CARM1: variants seen among roughly 807,000 people sequenced by gnomAD.
CARM1 encodes histone-arginine methyltransferase CARM1.
Under a neutral mutation model 72.7 loss-of-function variants are expected in CARM1, and 14 were observed. The ratio of observed to expected loss-of-function variants is 0.19; its 90% CI spans 0.13 to 0.30. The LOEUF (loss-of-function observed/expected upper bound fraction) is 0.30. Ranked by LOEUF, CARM1 falls within the 10% of genes least tolerant of loss-of-function variation. CARM1 has a pLI of 1.00. For synonymous variants in CARM1, 333 were observed against 345.5 expected (o/e 0.96, Z 0.40); for missense variants, 432 against 833.7 (o/e 0.52, Z 5.93).
Position 10,921,060 on chromosome 19 carries a change from C to T in CARM1, c.1548C>T (p.Thr516=), listed in dbSNP as rs763746802. 42 of 1,614,028 alleles carry T rather than the reference C, an allele frequency of 2.6e-5. No individual in the cohort carries two copies. The highest frequency in any genetic ancestry group is 1.6e-4 in the South Asian group (15 of 91,092). ...SSGMAVAGMP[T]AYDLSSVIAS... is the part of the protein sequence containing the mutation. ...CCTCTCTGGACACAGGGATGCCGAC[C>T]GCCTATGACTTGAGCAGTGTTATTG... Residue 516 remains threonine (T), a synonymous_variant, in exon 14 of 16, where the codon ACC becomes ACT. Coordinates refer to ENST00000327064, the MANE Select transcript of CARM1 (RefSeq NM_199141.2).
chr19:10,880,527 T>C (rs2073894117), intron 1 of CARM1, among the ~76,000 whole-genome samples: 1 of 149,876 alleles, frequency 6.7e-6, no homozygotes, highest in Non-Finnish European at 1.5e-5. Flanking sequence ...TTTTTTTTTT[T>C]TTTTTTTGTA....
chr19:10,882,275 G>C (rs193248954), intron 1 of CARM1, among the ~76,000 whole-genome samples: 67 of 152,290 alleles, frequency 4.4e-4, no homozygotes, highest in Middle Eastern at 6.8e-3. Context: ...GCATGCAGTG[G>C]GGGGGATGGG....
intron 1 of CARM1, among the ~76,000 whole-genome samples, chr19:10,888,334 G>A (rs2073956243): frequency 6.6e-6 from 1 of 152,160 alleles, no homozygotes; most frequent in Non-Finnish European, 1.5e-5. Context: ...CTGGAGGCTG[G>A]GATGGAATTT....
intron 6 of CARM1, 149 bp downstream of exon 6, chr19:10,914,203 C>T (rs1468795461): frequency 1.0e-5 from 8 of 787,570 alleles, no homozygotes; most frequent in Non-Finnish European, 1.6e-5. Flanking sequence ...CACCCCAACC[C>T]CACTCCAGCC....
At chr19:10,878,217 TA>T (rs2073877520) in intron 1 of CARM1, among the ~76,000 whole-genome samples, 1 of 152,152 alleles carries the variant, frequency 6.6e-6, no homozygotes. Context: ...GGAAAAAAAC[TA>T]AAACCCAATC....
chr19:10,901,056 AC>A (rs2074060627), intron 1 of CARM1, among the ~76,000 whole-genome samples: 1 of 146,994 alleles, frequency 6.8e-6, no homozygotes, highest in African/African-American at 2.5e-5. Flanking sequence ...ATCTCAGCTC[AC>A]TGCAACCTCC....
In CARM1 at chr19:10,871,837, C is replaced by A; in HGVS notation, c.135C>A (p.Gly45=). 1 of 1,297,946 alleles carries A rather than the reference C, an allele frequency of 7.7e-7. No individual in the cohort carries two copies. The highest frequency in any genetic ancestry group is 1.9e-5 in the South Asian group (1 of 51,386). The allele number at this position is 1,297,946 out of a possible 1,614,324, so 80.4% of individuals were successfully genotyped here. Residue 45 remains glycine, a synonymous_variant, in exon 1 of 16, where the codon GGC becomes GGA. Transcript: ENST00000327064. The surrounding 1 kb of genome is among the most constrained non-coding windows in gnomAD (Gnocchi z 5.6). ...ARLLTIGDAN[G]EIQRHAEQQA... Reference sequence around the variant, plus strand: ...TCCTCACCATCGGCGACGCGAACGGCGAGATCCAGCGGCACGCGGAGCAGC... The same window carrying A: ...TCCTCACCATCGGCGACGCGAACGGAGAGATCCAGCGGCACGCGGAGCAGC...
chr19:10,919,660 C>A lies in CARM1; in HGVS notation c.1086C>A (p.Ala362=). The A allele has an allele frequency of 1.2e-6, 2 of 1,613,930 alleles. No individual in the cohort carries two copies. The highest frequency in any genetic ancestry group is 2.2e-5 in the East Asian group (1 of 44,884). Residue 362 remains alanine, a synonymous_variant, in exon 9 of 16, where the codon GCC becomes GCA. Transcript: ENST00000327064. ...AGTACACGGTGAACTTCTTAGAAGC[C>A]AAAGAAGGAGATTTGCACAGGTACT... is the stretch of plus-strand genomic sequence containing the variant. ...SVKYTVNFLE[A]KEGDLHRIEI...
chr19:10,912,081 T>C lies in CARM1; in HGVS notation c.559-103T>C. The C allele has an allele frequency of 3.5e-6, 3 of 861,344 alleles. No homozygotes were observed. The East Asian group carries it at 7.3e-5, about 21-fold the overall frequency. The allele number at this position is 861,344 out of a possible 1,614,324, so 53.4% of individuals were successfully genotyped here. A position where few individuals can be genotyped will look rare whatever the true frequency, so the allele number is the denominator to read the frequency against. On this transcript the variant is annotated intron_variant, in intron 4 of 15. Coordinates refer to ENST00000327064, the MANE Select transcript of CARM1 (RefSeq NM_199141.2). The surrounding 1 kb of genome is among the most constrained non-coding windows in gnomAD (Gnocchi z 4.5). ...GCCCATAAAGGGCAAACATTGAGAG[T>C]GAAGACAGACGCCTCATGATGTGCA...
At chr19:10,880,539 A>T (rs1184657288) in intron 1 of CARM1, among the ~76,000 whole-genome samples, 2 of 131,632 alleles carry the variant, frequency 1.5e-5, no homozygotes, top group African/African-American at 2.9e-5. Context: ...TTTTTTGTAG[A>T]GACAGGGTCT....
intron 1 of CARM1, among the ~76,000 whole-genome samples, chr19:10,885,374 G>A (rs2073933541): frequency 6.6e-6 from 1 of 152,160 alleles, no homozygotes; most frequent in African/African-American, 2.4e-5. Context: ...TATGTCGTTG[G>A]CAGGTCTTTC....
At chr19:10,913,123 TG>T (rs201120067) in intron 5 of CARM1, among the ~76,000 whole-genome samples, 2,357 of 150,810 alleles carry the variant, frequency 0.016, 33 homozygotes, top group Middle Eastern at 0.024. Context: ...TCTTTTTTTT[TG>T]GGGGGGGTCT....
chr19:10,875,582 G>C (rs372059087), intron 1 of CARM1, among the ~76,000 whole-genome samples: 1 of 151,796 alleles, frequency 6.6e-6, no homozygotes, highest in African/African-American at 2.4e-5. Context: ...CCGCCACCAC[G>C]CCCGGCTAAT....
chr19:10,912,614 T>TCCCACCCCCAGCC lies in CARM1; in HGVS notation c.669+323_669+335dup, dbSNP rs1353597562. Among the ~76,000 whole-genome samples the TCCCACCCCCAGCC allele has an allele frequency of 1.4e-5, 2 of 142,708 alleles. No homozygotes were observed. Among genetic ancestry groups the TCCCACCCCCAGCC allele is most frequent in the Admixed American group, 1.4e-4 (2 of 14,274 alleles). 93.6% of individuals were successfully genotyped at this position (142,708 alleles called of 152,430 possible). A position where few individuals can be genotyped will look rare whatever the true frequency, so the allele number is the denominator to read the frequency against. ...GCGTGCTCTCCTTCCCCACCCCAGC[T>TCCCACCCCCAGCC]CCCACCCCCAGCCCCATCATGAGAG... On this transcript the variant is annotated intron_variant, in intron 5 of 15. Coordinates refer to ENST00000327064, the MANE Select transcript of CARM1 (RefSeq NM_199141.2). This position sits in a 1 kb window ranked among gnomAD's most constrained non-coding sequence, Gnocchi z 4.5.
intron 1 of CARM1, among the ~76,000 whole-genome samples, chr19:10,874,985 C>T (rs1009100795): frequency 6.6e-6 from 1 of 150,928 alleles, no homozygotes; most frequent in Non-Finnish European, 1.5e-5. Context: ...GATTGCACCA[C>T]TGCATGTCAG....
In CARM1 at chr19:10,916,072, G is replaced by A. The variant is rs1205350971; in HGVS notation, c.848-335G>A. ...ATGCACAGACGGCAGGGCCTGAGAGGCAGCGCCTGGCCACATCCCGGGCAC... is the reference window on the plus strand; with the variant it reads ...ATGCACAGACGGCAGGGCCTGAGAGACAGCGCCTGGCCACATCCCGGGCAC... On this transcript the variant is annotated intron_variant, in intron 6 of 15. Coordinates refer to ENST00000327064, the MANE Select transcript of CARM1 (RefSeq NM_199141.2). This position sits in a 1 kb window ranked among gnomAD's most constrained non-coding sequence, Gnocchi z 4.4. 1.3e-5 allele frequency among the ~76,000 whole-genome samples: 2 copies of A among 152,232 alleles called. No individual in the cohort carries two copies. The highest frequency in any genetic ancestry group is 3.8e-4 in the East Asian group (2 of 5,198).
At chr19:10,897,505 G>C (rs2074032872) in intron 1 of CARM1, among the ~76,000 whole-genome samples, 1 of 152,156 alleles carries the variant, frequency 6.6e-6, no homozygotes, top group South Asian at 2.1e-4. Context: ...TGCAGTTCCA[G>C]CCCCTCCTCC....
chr19:10,916,512 G>A lies in CARM1; in HGVS notation c.938+15G>A. On this transcript the variant is annotated intron_variant, in intron 7 of 15. Transcript: ENST00000327064. The surrounding 1 kb of genome is among the most constrained non-coding windows in gnomAD (Gnocchi z 4.4). ...GCCAACTTCTGGTGAGTGTGCCCTG[G>A]GTGTCCCGCCTGGGCCCCACAGCCT... is the stretch of plus-strand genomic sequence containing the variant. 1.9e-6 allele frequency: 3 copies of A among 1,599,504 alleles called. No individual in the cohort carries two copies. The highest frequency in any genetic ancestry group is 2.6e-6 in the Non-Finnish European group (3 of 1,167,168).
chr19:10,891,329 G>A (rs774390285), intron 1 of CARM1, among the ~76,000 whole-genome samples: 2 of 152,152 alleles, frequency 1.3e-5, no homozygotes, highest in Non-Finnish European at 2.9e-5. Context: ...ATGGTCCCTT[G>A]CTTGCAGGTG....
Sources: gnomAD v4.1 joint callset for allele counts (sites outside exome capture counted in the v4.1 genomes callset) on GRCh38, gnomAD v4.1.1 for gene constraint, Gnocchi (gnomAD v3.1) non-coding constraint, MANE v1.5 for transcripts, NCBI Gene and HGNC (gene_info 2026-07-23, HGNC 2026-07-21) for gene names.